The following PPARGC1A variants were observed in gnomAD, a reference collection of about 807,000 sequenced individuals.
PPARGC1A encodes the protein PPARG coactivator 1 alpha, also known as peroxisome proliferator-activated receptor gamma coactivator 1-alpha.
PPARGC1A carries 25 observed loss-of-function variants against 88.7 expected under a neutral mutation model. That is an observed-to-expected ratio of 0.28 (90% CI 0.21 to 0.39). The LOEUF is 0.39. Among genes scored for constraint, PPARGC1A ranks in the 10% least tolerant of loss-of-function variants. PPARGC1A has a pLI of 1.00. For synonymous variants in PPARGC1A, 363 were observed against 355.6 expected, an observed-to-expected ratio of 1.02 and a Z score of -0.24; for missense variants, 880 against 968.7, an observed-to-expected ratio of 0.91 and a Z score of 1.22.
chr4:24,139,433 A>G, the PPARGC1A span, among the ~76,000 whole-genome samples: 3 of 152,198 alleles, frequency 2.0e-5, no homozygotes, highest in Admixed American at 2.0e-4. Context: ...TTTGCTGAAT[A>G]GCTGTTTCTT....
chr4:24,365,685 C>T, the PPARGC1A span, among the ~76,000 whole-genome samples: 18 of 152,242 alleles, frequency 1.2e-4, no homozygotes, highest in East Asian at 1.5e-3. Flanking sequence ...GCTGCATTCT[C>T]CAAAATGCCT....
the PPARGC1A span, among the ~76,000 whole-genome samples, chr4:24,208,699 A>G: frequency 6.9e-6 from 1 of 145,204 alleles, no homozygotes; most frequent in East Asian, 2.0e-4. Context: ...ATATATATAT[A>G]TATTCATATT....
rs1254630708 is a variant in PPARGC1A, at chr4:23,794,435, G to A, written c.*1387C>T. On this transcript the variant is annotated 3_prime_UTR_variant, in exon 13 of 13. Transcript: ENST00000264867. ...GGACTAGGATATTTCTTGACAAGAT[G>A]CTTAGATTGAAGCTCACCTAAGGGA... 6.6e-6 allele frequency: 1 copy of A among 152,506 alleles called. No individual in the cohort carries two copies. Among genetic ancestry groups the A allele is most frequent in the African/African-American group, 2.4e-5 (1 of 41,438 alleles). 9.4% of individuals were successfully genotyped at this position (152,506 alleles called of 1,614,324 possible).
At chr4:24,049,278 A>G in the PPARGC1A span, among the ~76,000 whole-genome samples, 23 of 138,730 alleles carry the variant, frequency 1.7e-4, no homozygotes, top group Middle Eastern at 3.8e-3. Flanking sequence ...ATATATATAC[A>G]CATATATATG....
the PPARGC1A span, among the ~76,000 whole-genome samples, chr4:24,023,958 G>T: frequency 2.0e-5 from 3 of 152,182 alleles, no homozygotes; most frequent in Non-Finnish European, 2.9e-5. Context: ...TCATTCCAAA[G>T]TGTAGCCAAC....
chr4:24,106,164 A>C, the PPARGC1A span, among the ~76,000 whole-genome samples: 2 of 152,146 alleles, frequency 1.3e-5, no homozygotes, highest in African/African-American at 4.8e-5. Flanking sequence ...AGATGCCCGC[A>C]GACTTTATTT....
At chr4:23,938,324 T>C in the PPARGC1A span, among the ~76,000 whole-genome samples, 1 of 152,202 alleles carries the variant, frequency 6.6e-6, no homozygotes, top group Non-Finnish European at 1.5e-5. Flanking sequence ...CACTTCCTCA[T>C]TTAGAAGTAA....
the PPARGC1A span, among the ~76,000 whole-genome samples, chr4:24,274,210 C>T: frequency 1.3e-5 from 2 of 152,088 alleles, no homozygotes; most frequent in African/African-American, 4.8e-5. Context: ...CAATCCTTCT[C>T]ATTTGTTAAT....
chr4:23,941,481 A>G, the PPARGC1A span, among the ~76,000 whole-genome samples: 1 of 152,180 alleles, frequency 6.6e-6, no homozygotes, highest in Non-Finnish European at 1.5e-5. Context: ...TGGGCCACTG[A>G]TATAAACAAA....
At chr4:23,943,993 C>T in the PPARGC1A span, among the ~76,000 whole-genome samples, 1 of 151,978 alleles carries the variant, frequency 6.6e-6, no homozygotes, top group Non-Finnish European at 1.5e-5. Flanking sequence ...CCAGAGAAGC[C>T]TATGGAGACA....
chr4:24,361,762 C>A, the PPARGC1A span, among the ~76,000 whole-genome samples: 1 of 152,224 alleles, frequency 6.6e-6, no homozygotes, highest in Non-Finnish European at 1.5e-5. Flanking sequence ...TCGTATCCCA[C>A]GTTACAATGT....
At chr4:24,071,527 A>G in the PPARGC1A span, among the ~76,000 whole-genome samples, 2 of 151,600 alleles carry the variant, frequency 1.3e-5, no homozygotes, top group East Asian at 1.9e-4. Flanking sequence ...GGTCAATTTT[A>G]TAAGTACATT....
the PPARGC1A span, among the ~76,000 whole-genome samples, chr4:24,283,084 G>A: frequency 6.6e-6 from 1 of 152,112 alleles, no homozygotes; most frequent in African/African-American, 2.4e-5. Flanking sequence ...CATTTTTAAG[G>A]TGAAGATATA....
chr4:24,113,417 T>C, the PPARGC1A span, among the ~76,000 whole-genome samples: 1 of 152,216 alleles, frequency 6.6e-6, no homozygotes, highest in Admixed American at 6.5e-5. Flanking sequence ...CAAACTGTCT[T>C]ATAAATTGCT....
chr4:23,968,672 TG>T, the PPARGC1A span, among the ~76,000 whole-genome samples: 4 of 152,142 alleles, frequency 2.6e-5, no homozygotes, highest in African/African-American at 9.7e-5. Context: ...CCCAGCAATT[TG>T]GGAGGCCACG....
At chr4:23,855,194 T>C (rs1577525294) in intron 2 of PPARGC1A, among the ~76,000 whole-genome samples, 1 of 152,276 alleles carries the variant, frequency 6.6e-6, no homozygotes, top group East Asian at 1.9e-4. Context: ...CCCAGCCATA[T>C]GGAGCTGTGA....
the PPARGC1A span, among the ~76,000 whole-genome samples, chr4:24,262,532 T>C: frequency 1.2e-4 from 18 of 152,332 alleles, no homozygotes; most frequent in South Asian, 6.2e-4. Context: ...TTCAATCCTT[T>C]GCTCTTACCT....
chr4:24,465,899 G>A, the PPARGC1A span, among the ~76,000 whole-genome samples: 5 of 152,192 alleles, frequency 3.3e-5, no homozygotes, highest in African/African-American at 7.2e-5. Flanking sequence ...TAGCACAAGC[G>A]GAAAGTGACA....
At chr4:23,981,389 C>T in the PPARGC1A span, among the ~76,000 whole-genome samples, 1 of 152,136 alleles carries the variant, frequency 6.6e-6, no homozygotes. Flanking sequence ...ACAGCATAGA[C>T]AACCATAGGA....
Sources: allele counts gnomAD v4.1 joint callset (sites outside exome capture counted in the v4.1 genomes callset), GRCh38; gene constraint gnomAD v4.1.1; transcripts MANE v1.5; gene names NCBI Gene and HGNC (gene_info 2026-07-23, HGNC 2026-07-21).